KAZN: variants seen among roughly 807,000 people sequenced by gnomAD.
KAZN encodes kazrin.
Under a neutral mutation model 87.4 loss-of-function variants are expected in KAZN, and 40 were observed. That is an observed-to-expected ratio of 0.46 (90% confidence interval 0.36 to 0.60). The LOEUF is 0.60. Among genes scored for constraint, KAZN ranks in the 20% least tolerant of loss-of-function variants. The pLI, the probability that KAZN is intolerant of heterozygous loss-of-function variation, is 0.00. For synonymous variants in KAZN, 466 were observed against 458.3 expected (o/e 1.02, Z -0.22); for missense variants, 898 against 1,073.9 (o/e 0.84, Z 2.29).
chr1:14,701,353 A>G (rs1390573606), intron 1 of KAZN, among the ~76,000 whole-genome samples: 2 of 152,090 alleles, frequency 1.3e-5, no homozygotes, highest in Non-Finnish European at 2.9e-5. Flanking sequence ...CTGGTCGTGA[A>G]CTCCTGGACT....
chr1:13,942,546 C>CAA (rs55784948), intron 1 of KAZN, among the ~76,000 whole-genome samples: 3 of 70,838 alleles, frequency 4.2e-5, no homozygotes, highest in Non-Finnish European at 7.7e-5. Context: ...GACTCCGTCT[C>CAA]AAAAAAAAAA....
chr1:14,770,763 G>A (rs964390018), intron 1 of KAZN, among the ~76,000 whole-genome samples: 8 of 152,138 alleles, frequency 5.3e-5, no homozygotes, highest in East Asian at 1.9e-4. Flanking sequence ...TTTCAAACAC[G>A]TTAGGCCTTA....
intron 2 of KAZN, among the ~76,000 whole-genome samples, chr1:14,240,518 G>T (rs1196709269): frequency 6.6e-6 from 1 of 152,216 alleles, no homozygotes; most frequent in Non-Finnish European, 1.5e-5. Flanking sequence ...CAGGAAGGGG[G>T]ATGATGACAA....
intron 1 of KAZN, among the ~76,000 whole-genome samples, chr1:14,629,424 G>A (rs1009482976): frequency 1.7e-4 from 26 of 152,126 alleles, no homozygotes; most frequent in African/African-American, 5.1e-4. Context: ...TTGTTGCAAC[G>A]AACAGAAACC....
At chr1:14,429,286 C>A (rs1467210447) in intron 2 of KAZN, among the ~76,000 whole-genome samples, 2 of 152,194 alleles carry the variant, frequency 1.3e-5, no homozygotes, top group Non-Finnish European at 2.9e-5. Context: ...TTTTCTCACA[C>A]AAAGGGATGA....
chr1:14,460,393 G>A (rs1373636186), intron 2 of KAZN, among the ~76,000 whole-genome samples: 3 of 152,218 alleles, frequency 2.0e-5, no homozygotes, highest in Non-Finnish European at 2.9e-5. Context: ...GGCAGCAGCC[G>A]GGAGCTTGAG....
At chr1:14,349,224 GAGCCTGAGCCCA>G (rs1204117377) in intron 2 of KAZN, 6 of 152,320 alleles carry the variant, frequency 3.9e-5, no homozygotes, top group Non-Finnish European at 7.3e-5. Flanking sequence ...ACATGGCTGG[GAGCCTGAGCCCA>G]AGCCTGAGCC....
intron 2 of KAZN, among the ~76,000 whole-genome samples, chr1:14,214,893 G>A (rs1445952508): frequency 1.3e-5 from 2 of 152,272 alleles, no homozygotes; most frequent in African/African-American, 2.4e-5. Context: ...CTATCCTCAA[G>A]AACTTATGGT....
intron 1 of KAZN, among the ~76,000 whole-genome samples, chr1:14,945,670 G>A (rs1661681423): frequency 6.6e-6 from 1 of 152,228 alleles, no homozygotes; most frequent in Non-Finnish European, 1.5e-5. Flanking sequence ...TTTCATAAGT[G>A]AAACATTTAA....
chr1:14,763,130 A>G (rs1040721777), intron 1 of KAZN, among the ~76,000 whole-genome samples: 1 of 152,212 alleles, frequency 6.6e-6, no homozygotes, highest in Non-Finnish European at 1.5e-5. Flanking sequence ...GGTGTGGCCA[A>G]TAAAGTAGTC....
intron 1 of KAZN, among the ~76,000 whole-genome samples, chr1:14,109,653 A>G (rs1053536044): frequency 6.6e-6 from 1 of 152,148 alleles, no homozygotes; most frequent in Non-Finnish European, 1.5e-5. Flanking sequence ...TTTTTGGAAC[A>G]TAAATTTGAT....
chr1:14,396,813 G>T (rs1662937211), intron 2 of KAZN, among the ~76,000 whole-genome samples: 1 of 152,068 alleles, frequency 6.6e-6, no homozygotes, highest in Non-Finnish European at 1.5e-5. Flanking sequence ...TTTTAGCTGT[G>T]AGATTGAAAA....
At chr1:14,874,171 T>C (rs2101070390) in intron 1 of KAZN, among the ~76,000 whole-genome samples, 1 of 152,292 alleles carries the variant, frequency 6.6e-6, no homozygotes, top group East Asian at 1.9e-4. Context: ...AAAGCCACGA[T>C]ACCAGACAAG....
chr1:14,399,866 C>G (rs1315943306), intron 2 of KAZN, among the ~76,000 whole-genome samples: 1 of 152,190 alleles, frequency 6.6e-6, no homozygotes, highest in Non-Finnish European at 1.5e-5. Flanking sequence ...CTGTCTCCAA[C>G]TGGACCATGA....
At chr1:14,226,169 C>T (rs1359101298) in intron 2 of KAZN, among the ~76,000 whole-genome samples, 1 of 152,082 alleles carries the variant, frequency 6.6e-6, no homozygotes, top group South Asian at 2.1e-4. Context: ...TGACGAAGGT[C>T]GAATATCCAG....
At chr1:14,393,799 GCACTCCA>G (rs1372989109) in intron 2 of KAZN, among the ~76,000 whole-genome samples, 1 of 139,740 alleles carries the variant, frequency 7.2e-6, no homozygotes, top group Non-Finnish European at 1.5e-5. Flanking sequence ...GTAAGCCACT[GCACTCCA>G]CACTCCCGCC....
rs150402072 is a variant in KAZN, at chr1:14,626,228, C to G, written c.226+27005C>G. ...ATTATACGGAATTAATGACTTCTGG[C>G]TGTCAATCAATGACACTGTTATTGA... On this transcript the variant is annotated intron_variant, in intron 1 of 14. Coordinates refer to ENST00000376030, the MANE Select transcript of KAZN (RefSeq NM_201628.3). Among the ~76,000 whole-genome samples the G allele has an allele frequency of 5.7e-3, 875 of 152,328 alleles. 7 individuals carry two copies. Among genetic ancestry groups the G allele is most frequent in the African/African-American group, 0.02 (811 of 41,572 alleles).
chr1:15,057,286 A>G (rs977654312), intron 5 of KAZN, among the ~76,000 whole-genome samples: 4 of 152,232 alleles, frequency 2.6e-5, no homozygotes, highest in Non-Finnish European at 5.9e-5. Flanking sequence ...CCTCATGTGT[A>G]AAAGGGGCAT....
chr1:14,289,329 G>C (rs1237076485), intron 2 of KAZN, among the ~76,000 whole-genome samples: 1 of 152,106 alleles, frequency 6.6e-6, no homozygotes, highest in African/African-American at 2.4e-5. Flanking sequence ...TCTCTTTGTA[G>C]GTCTCTAAGG....
Sources: allele counts gnomAD v4.1 joint callset (sites outside exome capture counted in the v4.1 genomes callset), GRCh38; gene constraint gnomAD v4.1.1; transcripts MANE v1.5; gene names NCBI Gene and HGNC (gene_info 2026-07-23, HGNC 2026-07-21).